The following MATN2 variants were observed in gnomAD, a reference collection of about 807,000 sequenced individuals.
MATN2 encodes matrilin-2.
In MATN2, 69 loss-of-function variants were observed where a neutral mutation model predicts 103.2. The observed-to-expected ratio is 0.67, with a 90% confidence interval of 0.55 to 0.82. The LOEUF (loss-of-function observed/expected upper bound fraction) is 0.82. Among genes scored for constraint, MATN2 ranks in the 40% least tolerant of loss-of-function variants. MATN2 has a pLI of 0.00. For missense variants in MATN2, 1,023 were observed against 1,211.5 expected, an observed-to-expected ratio of 0.84 and a Z score of 2.31; for synonymous variants, 429 against 450.2, an observed-to-expected ratio of 0.95 and a Z score of 0.60.
rs758423784 is a variant in MATN2, at chr8:98,036,277, G to A, written c.*565G>A. ...TGGAAGATATGTATGTATGAGAAAT[G>A]GCCAACATGCCTATGAAAAAAATGC... On this transcript the variant is annotated 3_prime_UTR_variant, in exon 19 of 19. Coordinates refer to ENST00000254898, the MANE Select transcript of MATN2 (RefSeq NM_002380.5). The A allele has an allele frequency of 2.0e-5, 3 of 152,120 alleles. No individual in the cohort carries two copies. The highest frequency in any genetic ancestry group is 4.4e-5 in the Non-Finnish European group (3 of 68,008). The allele number at this position is 152,120 out of a possible 1,614,324, so 9.4% of individuals were successfully genotyped here. A position where few individuals can be genotyped will look rare whatever the true frequency, so the allele number is the denominator to read the frequency against.
chr8:97,985,547 T>TG (rs1812164543), intron 6 of MATN2, among the ~76,000 whole-genome samples: 1 of 152,206 alleles, frequency 6.6e-6, no homozygotes, highest in Admixed American at 6.5e-5. Context: ...GTATATTATT[T>TG]GGGCCGTTTT....
At chr8:97,919,392 C>T (rs1160580489) in intron 2 of MATN2, among the ~76,000 whole-genome samples, 1 of 152,172 alleles carries the variant, frequency 6.6e-6, no homozygotes, top group East Asian at 1.9e-4. Context: ...GCCACCAAGC[C>T]TGCTAATTTT....
intron 4 of MATN2, among the ~76,000 whole-genome samples, chr8:97,944,637 G>A (rs1164880165): frequency 6.6e-6 from 1 of 152,180 alleles, no homozygotes; most frequent in Non-Finnish European, 1.5e-5. Flanking sequence ...GATGGGACGG[G>A]TGGTAACAAA....
chr8:97,976,780 G>T (rs1276432989), intron 5 of MATN2, among the ~76,000 whole-genome samples: 1 of 151,366 alleles, frequency 6.6e-6, no homozygotes, highest in Non-Finnish European at 1.5e-5. Flanking sequence ...GTCAACCCCA[G>T]AGTTGACCCT....
At chr8:97,887,234 A>G (rs1167703040) in intron 1 of MATN2, among the ~76,000 whole-genome samples, 2 of 151,782 alleles carry the variant, frequency 1.3e-5, no homozygotes, top group East Asian at 3.9e-4. Flanking sequence ...TTTTTGTAGA[A>G]ACGAGGCCTT....
chr8:97,981,282 A>G (rs1812012811), intron 6 of MATN2, among the ~76,000 whole-genome samples: 1 of 151,884 alleles, frequency 6.6e-6, no homozygotes, highest in South Asian at 2.1e-4. Flanking sequence ...TCTGTCACCC[A>G]TGCTGGAATG....
chr8:97,912,945 T>C (rs1809496955), intron 2 of MATN2, among the ~76,000 whole-genome samples: 1 of 152,100 alleles, frequency 6.6e-6, no homozygotes. Flanking sequence ...GGTTATATAG[T>C]TGTTGGAAGG....
intron 1 of MATN2, among the ~76,000 whole-genome samples, chr8:97,881,390 C>T (rs1057271720): frequency 8.5e-5 from 13 of 152,194 alleles, no homozygotes; most frequent in African/African-American, 2.7e-4. Context: ...GAATTCTATT[C>T]GCCTGTGGAT....
rs540260597 is a variant in MATN2 at position 97,871,254 on chromosome 8, C to T, written c.-27+1967C>T. 3.3e-5 allele frequency among the ~76,000 whole-genome samples: 5 copies of T among 152,332 alleles called. No homozygotes were observed. In the East Asian group the frequency reaches 7.7e-4, roughly 23 times the overall value. On this transcript the variant is annotated intron_variant, in intron 1 of 18. Transcript: ENST00000254898. The stretch of plus-strand genomic sequence containing the variant: ...TGGAGGTTCTGGAAAAATAATTCTA[C>T]AGTTTATTTAGAAACAGTTCTGACT...
intron 7 of MATN2, among the ~76,000 whole-genome samples, chr8:98,000,999 G>C (rs1244373845): frequency 6.6e-5 from 10 of 152,206 alleles, no homozygotes; most frequent in Admixed American, 6.5e-4. Flanking sequence ...GTGCAGCAAG[G>C]AGCCACTGAG....
chr8:97,928,218 CTTTTTTT>C (rs34226792), intron 2 of MATN2, among the ~76,000 whole-genome samples: 2 of 89,300 alleles, frequency 2.2e-5, no homozygotes, highest in Admixed American at 1.4e-4. Flanking sequence ...GCACTCCTGC[CTTTTTTT>C]TTTTTTTTTT....
At chr8:97,906,997 CTTTTTTTTTT>C (rs61459656) in intron 2 of MATN2, among the ~76,000 whole-genome samples, 1 of 116,144 alleles carries the variant, frequency 8.6e-6, no homozygotes, top group Non-Finnish European at 1.8e-5. Context: ...CCATAGCTGA[CTTTTTTTTTT>C]TTTTTTTTTT....
chr8:97,971,508 AAG>A, intron 5 of MATN2, among the ~76,000 whole-genome samples: 1 of 152,340 alleles, frequency 6.6e-6, no homozygotes, highest in East Asian at 1.9e-4. Flanking sequence ...ATTGCTGACT[AAG>A]AACCTCCTCT....
intron 2 of MATN2, among the ~76,000 whole-genome samples, chr8:97,925,985 A>G (rs1047888908): frequency 3.9e-5 from 6 of 152,348 alleles, no homozygotes; most frequent in Admixed American, 6.5e-5. Context: ...CAATCTTGAG[A>G]GGAGGAAATA....
chr8:97,925,295 G>A (rs1321474965), intron 2 of MATN2, among the ~76,000 whole-genome samples: 2 of 152,134 alleles, frequency 1.3e-5, no homozygotes, highest in Non-Finnish European at 2.9e-5. Context: ...ATACTCCTAA[G>A]TTAGGTTTTC....
intron 2 of MATN2, among the ~76,000 whole-genome samples, chr8:97,913,928 A>G (rs1404033249): frequency 6.6e-6 from 1 of 152,178 alleles, no homozygotes; most frequent in African/African-American, 2.4e-5. Context: ...TATTTATTTC[A>G]TTTGAAATTT....
intron 4 of MATN2, among the ~76,000 whole-genome samples, chr8:97,946,819 A>G (rs983025051): frequency 5.3e-5 from 8 of 152,204 alleles, no homozygotes; most frequent in African/African-American, 1.7e-4. Flanking sequence ...AATGTTCCCA[A>G]CATTATTTTT....
At chr8:97,895,969 C>T (rs1434054111) in intron 2 of MATN2, among the ~76,000 whole-genome samples, 1 of 152,160 alleles carries the variant, frequency 6.6e-6, no homozygotes, top group African/African-American at 2.4e-5. Context: ...GAGAAAGACA[C>T]GCGTACTCTT....
At chr8:97,944,476 A>G (rs994385052) in intron 4 of MATN2, among the ~76,000 whole-genome samples, 1 of 152,168 alleles carries the variant, frequency 6.6e-6, no homozygotes, top group African/African-American at 2.4e-5. Context: ...TGCTTTCCCA[A>G]AATTGGTGTA....
Sources: allele counts gnomAD v4.1 joint callset (sites outside exome capture counted in the v4.1 genomes callset), GRCh38; gene constraint gnomAD v4.1.1; transcripts MANE v1.5; gene names NCBI Gene and HGNC (gene_info 2026-07-23, HGNC 2026-07-21).